Variants in SORCS1 observed in about 807,000 individuals in gnomAD.
SORCS1 encodes the protein sortilin related VPS10 domain containing receptor 1.
A neutral mutation model predicts 146.1 loss-of-function variants in SORCS1; 60 were observed. That is an observed-to-expected ratio of 0.41 (90% CI 0.33 to 0.51). SORCS1 has a LOEUF of 0.51. SORCS1 is among the 20% of genes least tolerant of loss of function. The pLI is 0.21. For synonymous variants in SORCS1, 637 were observed against 584.0 expected (o/e 1.09, Z -1.31); for missense variants, 1,352 against 1,487.6 (o/e 0.91, Z 1.50).
intron 1 of SORCS1, among the ~76,000 whole-genome samples, chr10:107,161,537 C>T (rs1246722463): frequency 6.6e-6 from 1 of 152,114 alleles, no homozygotes; most frequent in Non-Finnish European, 1.5e-5. Context: ...TAGCCTGGCT[C>T]CTAATTCTCT....
chr10:107,164,991 G>C (rs1376586200), upstream of SORCS1, among the ~76,000 whole-genome samples: 1 of 151,194 alleles, frequency 6.6e-6, no homozygotes, highest in East Asian at 1.9e-4. The surrounding 1 kb of genome is among the most constrained non-coding windows in gnomAD (Gnocchi z 6.8). Flanking sequence ...CGCTGAGTCC[G>C]CGCACCCTGC....
intron 1 of SORCS1, among the ~76,000 whole-genome samples, chr10:107,013,203 C>T (rs932876792): frequency 2.0e-5 from 3 of 152,134 alleles, no homozygotes; most frequent in African/African-American, 7.2e-5. Context: ...CTAAAATTCA[C>T]CTGCCTTAAG....
rs371503279 is a variant in SORCS1 at position 106,679,611 on chromosome 10, C to A, written c.1663+21G>T. On this transcript the variant is annotated intron_variant, in intron 11 of 25. Coordinates refer to ENST00000263054, the MANE Select transcript of SORCS1 (RefSeq NM_052918.5). ...AATAAACACTATTTACCACAGCCAG[C>A]AAACCAGGTAAGCTTCTTACCTGAT... 1.8e-5 allele frequency: 28 copies of A among 1,587,134 alleles called. No homozygotes were observed. In the African/African-American group the frequency reaches 3.8e-4, roughly 21 times the overall value.
In SORCS1 at chr10:106,679,680, C is replaced by T; in HGVS notation, c.1615G>A (p.Gly539Arg). The part of the protein sequence containing the change: ...LKVSENPYTS[G>R]IIASKDTAPS... The stretch of plus-strand genomic sequence containing the variant: ...GCTGTGTCTTTGCTGGCAATGATCC[C>T]TGATGTGTAGGGATTCTCAGAGACC... Residue 539 changes from glycine (G) to arginine (R), a missense_variant, in exon 11 of 26, where the codon GGG becomes AGG. By Grantham distance (125) the Gly-to-Arg change is moderately radical. Around this residue, in one of 3 missense-constraint regions of SORCS1, gnomAD observed 648 missense variants for 793.8 expected, o/e 0.82. Coordinates refer to ENST00000263054, the MANE Select transcript of SORCS1 (RefSeq NM_052918.5). 6.2e-7 allele frequency: 1 copy of T among 1,612,804 alleles called. No homozygotes were observed. The highest frequency in any genetic ancestry group is 1.1e-5 in the South Asian group (1 of 90,766).
chr10:107,175,642 C>T, the SORCS1 span, among the ~76,000 whole-genome samples: 2 of 151,946 alleles, frequency 1.3e-5, no homozygotes, highest in East Asian at 3.9e-4. Flanking sequence ...CACCATGTGA[C>T]CCAGGCTGGT....
chr10:106,690,396 T>C (rs746548230), intron 9 of SORCS1, among the ~76,000 whole-genome samples: 1 of 152,212 alleles, frequency 6.6e-6, no homozygotes, highest in Non-Finnish European at 1.5e-5. Context: ...GCAGAAGGAA[T>C]AAAAATGTTA....
At position 106,822,782 on chromosome 10, in the gene SORCS1, G is replaced by GTTTTTTT. The variant is rs1158921880; in HGVS notation, c.726+6785_726+6791dup. Among the ~76,000 whole-genome samples the GTTTTTTT allele has an allele frequency of 6.6e-4, 75 of 113,150 alleles. 1 individual carries two copies. The highest frequency in any genetic ancestry group is 2.5e-3 in the African/African-American group (67 of 26,318). 74.2% of individuals were successfully genotyped at this position (113,150 alleles called of 152,430 possible). On this transcript the variant is annotated intron_variant, in intron 3 of 25. Transcript: ENST00000263054. ...CACTATGTCTCTGAATTCATGTGTG[G>GTTTTTTT]TTTTTTTTTTTTTTTTTTTTGAATA...
At chr10:107,027,079 T>C (rs1958440532) in intron 1 of SORCS1, among the ~76,000 whole-genome samples, 1 of 142,504 alleles carries the variant, frequency 7.0e-6, no homozygotes, top group Non-Finnish European at 1.5e-5. Flanking sequence ...ATATCAGATA[T>C]ACATATATAT....
chr10:106,729,916 A>C (rs1856474223), intron 6 of SORCS1, 134 bp downstream of exon 6: 2 of 1,070,526 alleles, frequency 1.9e-6, no homozygotes, highest in Non-Finnish European at 2.7e-6. Context: ...TCACCCCTGC[A>C]ACCCCAAATC....
intron 1 of SORCS1, among the ~76,000 whole-genome samples, chr10:106,999,495 A>G (rs76854633): frequency 7.9e-4 from 120 of 152,322 alleles, no homozygotes; most frequent in African/African-American, 2.6e-3. Context: ...CATTTAAGAA[A>G]ACGTGCTTAG....
chr10:106,652,326 T>A, intron 18 of SORCS1, 56 bp downstream of exon 18: 1 of 1,462,040 alleles, frequency 6.8e-7, no homozygotes. Context: ...AACCATGGTT[T>A]ATTAAGAAAA....
At chr10:107,144,036 T>C (rs1302605186) in intron 1 of SORCS1, among the ~76,000 whole-genome samples, 1 of 152,134 alleles carries the variant, frequency 6.6e-6, no homozygotes, top group Non-Finnish European at 1.5e-5. Context: ...CTCCCTTCCT[T>C]TCATGGGCTG....
intron 18 of SORCS1, among the ~76,000 whole-genome samples, chr10:106,632,314 G>T (rs1848485766): frequency 6.6e-6 from 1 of 152,198 alleles, no homozygotes; most frequent in South Asian, 2.1e-4. Flanking sequence ...TCCACTAAAG[G>T]TGAACAAACT....
At position 106,620,547 on chromosome 10, in the gene SORCS1, C is replaced by T. The variant is rs372747201; in HGVS notation, c.2677G>A (p.Val893Met). 2.2e-5 allele frequency: 36 copies of T among 1,613,742 alleles called. No individual in the cohort carries two copies. The highest frequency in any genetic ancestry group is 1.0e-4 in the Admixed American group (6 of 59,972). Residue 893 changes from valine to methionine, a missense_variant, in exon 20 of 26, where the codon GTG becomes ATG. Around this residue, in one of 3 missense-constraint regions of SORCS1, gnomAD observed 648 missense variants for 793.8 expected, o/e 0.82. Transcript: ENST00000263054. ...GTGACAAAGGGAAGAGACAGGTGCA[C>T]GTGCTCCAAGGGACCTGAGGCACAA... ...YLHVTCPLEH[V>M]HLSLPFVTTK...
chr10:107,139,552 G>C (rs962699873), intron 1 of SORCS1, among the ~76,000 whole-genome samples: 1 of 152,006 alleles, frequency 6.6e-6, no homozygotes, highest in Non-Finnish European at 1.5e-5. Flanking sequence ...AAGACAGAGG[G>C]GAAAAAACAG....
intron 1 of SORCS1, among the ~76,000 whole-genome samples, chr10:107,089,561 T>C (rs1964022165): frequency 6.6e-6 from 1 of 152,204 alleles, no homozygotes; most frequent in African/African-American, 2.4e-5. Context: ...CACTGCTGTA[T>C]CCTCATCACT....
chr10:106,737,453 G>A (rs2418818), intron 5 of SORCS1, among the ~76,000 whole-genome samples: 118,219 of 151,700 alleles, frequency 0.78, 47,008 homozygotes, highest in Non-Finnish European at 0.87. Context: ...AAAGAGGGGG[G>A]TGGTGCAGGC....
At chr10:107,048,021 T>A (rs1040712368) in intron 1 of SORCS1, among the ~76,000 whole-genome samples, 5 of 152,034 alleles carry the variant, frequency 3.3e-5, no homozygotes, top group African/African-American at 1.2e-4. Flanking sequence ...AAGTCAAGGC[T>A]GCAGTGAGCC....
At chr10:106,753,273 G>C (rs1858393530) in intron 5 of SORCS1, among the ~76,000 whole-genome samples, 2 of 152,106 alleles carry the variant, frequency 1.3e-5, no homozygotes, top group African/African-American at 4.8e-5. Flanking sequence ...TCACCAGGGG[G>C]CAGGAAGAGG....
Sources: gnomAD v4.1 joint callset for allele counts (sites outside exome capture counted in the v4.1 genomes callset) on GRCh38, gnomAD v4.1.1 for gene constraint, gnomAD v4.1.1 regional missense constraint, Gnocchi (gnomAD v3.1) non-coding constraint, MANE v1.5 for transcripts, NCBI Gene and HGNC (gene_info 2026-07-23, HGNC 2026-07-21) for gene names.